Variants in MGAM observed in about 807,000 individuals in gnomAD.
The protein encoded by MGAM is alpha-1,4-glucosidase.
Under a neutral mutation model 358.8 loss-of-function variants are expected in MGAM, and 253 were observed. The ratio of observed to expected loss-of-function variants is 0.71; its 90% CI spans 0.64 to 0.78. The LOEUF (loss-of-function observed/expected upper bound fraction) is 0.78, where lower values mean the gene tolerates loss of function less well. Ranked by LOEUF, MGAM falls within the 30% of genes least tolerant of loss-of-function variation. MGAM has a pLI of 0.00. For synonymous variants in MGAM, 1,105 were observed against 1,227.1 expected (o/e 0.90, Z 2.08); for missense variants, 3,080 against 3,432.6 (o/e 0.90, Z 2.57).
chr7:142,039,544 G>A (rs185913747), intron 19 of MGAM, among the ~76,000 whole-genome samples: 1,533 of 152,106 alleles, frequency 0.01, 14 homozygotes, highest in South Asian at 0.027. Flanking sequence ...CCAACACTGG[G>A]GATTACATTT....
In MGAM at chr7:142,041,877, T is replaced by TA. The variant is rs569156957; in HGVS notation, c.2498+1032dup. On this transcript the variant is annotated intron_variant, in intron 21 of 70. Transcript: ENST00000475668. ...CTGGTCATTTTATATATATATTATA[T>TA]ATATACGTATAATATATAATATATA... 2.2e-3 allele frequency among the ~76,000 whole-genome samples: 195 copies of TA among 89,408 alleles called. 7 individuals are homozygous for TA. Among genetic ancestry groups the TA allele is most frequent in the Admixed American group, 0.021 (106 of 4,972 alleles). The allele number at this position is 89,408 out of a possible 152,430, so 58.7% of individuals were successfully genotyped here.
chr7:142,016,688 G>A (rs1806002008), intron 3 of MGAM, among the ~76,000 whole-genome samples: 1 of 152,128 alleles, frequency 6.6e-6, no homozygotes, highest in Non-Finnish European at 1.5e-5. Context: ...TGCCTCCTGG[G>A]TTCAAGTGAG....
chr7:142,073,759 C>T (rs1449590422), intron 44 of MGAM, among the ~76,000 whole-genome samples: 1 of 145,864 alleles, frequency 6.9e-6, no homozygotes. Flanking sequence ...CCAGTTATTG[C>T]CTAAGATTTC....
At position 142,094,730 on chromosome 7, in the gene MGAM, A is replaced by G. The variant is rs2129061136; in HGVS notation, c.7342-17A>G. On this transcript the variant is annotated splice_polypyrimidine_tract_variant and intron_variant, in intron 62 of 70. Coordinates refer to ENST00000475668, the MANE Select transcript of MGAM (RefSeq NM_001365693.1). ...CAGAAATCATCAGCAGGCTCCTTTT[A>G]TTTCCTCTTGTTTCAGACGGGAGCA... 1 of 1,613,292 alleles carries G rather than the reference A, an allele frequency of 6.2e-7. No individual in the cohort carries two copies. Among genetic ancestry groups the G allele is most frequent in the East Asian group, 2.2e-5 (1 of 44,846 alleles).
At chr7:142,006,212 T>C (rs1337497971) in intron 2 of MGAM, among the ~76,000 whole-genome samples, 2 of 152,022 alleles carry the variant, frequency 1.3e-5, no homozygotes, top group Non-Finnish European at 2.9e-5. Context: ...ATGAATGCCC[T>C]TTATAGATTT....
intron 70 of MGAM, 58 bp downstream of exon 70, chr7:142,103,497 G>A (rs1816607793): frequency 5.0e-6 from 7 of 1,406,808 alleles, no homozygotes; most frequent in Non-Finnish European, 5.6e-6. Flanking sequence ...GCCTAGTGCA[G>A]TGCCTGACTG....
At chr7:141,996,930 G>C (rs1441234865) in intron 1 of MGAM, among the ~76,000 whole-genome samples, 1 of 152,070 alleles carries the variant, frequency 6.6e-6, no homozygotes, top group Non-Finnish European at 1.5e-5. Flanking sequence ...CTCGTGGGAA[G>C]AGGAGAAGGT....
chr7:142,055,139 C>T (rs1382597196), intron 27 of MGAM, among the ~76,000 whole-genome samples: 1 of 152,268 alleles, frequency 6.6e-6, no homozygotes, highest in Admixed American at 6.5e-5. Context: ...TTATGGGGTG[C>T]CTTCTCTAGA....
At chr7:142,103,914 T>G (rs910719263) in intron 70 of MGAM, among the ~76,000 whole-genome samples, 2 of 151,976 alleles carry the variant, frequency 1.3e-5, no homozygotes, top group Admixed American at 1.3e-4. Flanking sequence ...TGGAGTGCAG[T>G]GGCATGTGAT....
intron 68 of MGAM, 114 bp downstream of exon 68, chr7:142,101,004 A>G (rs1816393209): frequency 1.1e-6 from 1 of 926,182 alleles, no homozygotes; most frequent in African/African-American, 1.7e-5. Flanking sequence ...TTTAAAATAT[A>G]ATCATTTGTT....
At position 142,052,441 on chromosome 7, in the gene MGAM, T is replaced by C; in HGVS notation, c.2953T>C (p.Trp985Arg). The C allele has an allele frequency of 2.5e-6, 4 of 1,613,346 alleles. No homozygotes were observed. Among genetic ancestry groups the C allele is most frequent in the Non-Finnish European group, 3.4e-6 (4 of 1,179,708 alleles). ...AENCTARGCI[W>R]EASNSSGVPF... The stretch of plus-strand genomic sequence containing the variant: ...AAACTGCACTGCCCGTGGCTGTATC[T>C]GGGAGGTAACCATGCTGATGGGGTT... The change falls in exon 25 of 71, where the codon TGG (tryptophan) becomes CGG (arginine). Residue 985 changes from tryptophan (W) to arginine (R), a missense_variant. Physicochemically the swap from Trp to Arg is moderately radical, Grantham distance 101. Around this residue, in one of 5 missense-constraint regions of MGAM, gnomAD observed 1,816 missense variants for 1,840.5 expected, o/e 0.99. Coordinates refer to ENST00000475668, the MANE Select transcript of MGAM (RefSeq NM_001365693.1).
intron 21 of MGAM, among the ~76,000 whole-genome samples, chr7:142,047,140 G>C (rs1233986243): frequency 3.3e-5 from 5 of 152,084 alleles, no homozygotes; most frequent in African/African-American, 1.2e-4. Context: ...GTGATAGAAT[G>C]AGGAGAGACT....
At chr7:142,066,432 A>G in intron 40 of MGAM, 141 bp from the exon 41 acceptor site, 1 of 1,028,362 alleles carries the variant, frequency 9.7e-7, no homozygotes, top group South Asian at 1.6e-5. Flanking sequence ...CGGTCTATTA[A>G]GAATATTCTC....
At chr7:142,040,486 C>A in intron 20 of MGAM, 1 of 591,502 alleles carries the variant, frequency 1.7e-6, no homozygotes. Flanking sequence ...TTAAAACTAT[C>A]AGTTTATATA....
rs1809054272 is a variant in MGAM, at chr7:142,042,580, ATT to A, written c.2498+1735_2498+1736del. Among the ~76,000 whole-genome samples, 2 of 51,258 alleles carry A rather than the reference ATT, an allele frequency of 3.9e-5. 1 individual carries two copies. Among genetic ancestry groups the A allele is most frequent in the Non-Finnish European group, 6.7e-5 (2 of 30,026 alleles). The allele number at this position is 51,258 out of a possible 152,430, so 33.6% of individuals were successfully genotyped here. ...ATATTATATATAATATATAATATATATTATATATACATATTATATATAATATA... is the reference window on the plus strand; with the variant it reads ...ATATTATATATAATATATAATATATAATATATACATATTATATATAATATA... On this transcript the variant is annotated intron_variant, in intron 21 of 70. Transcript: ENST00000475668.
intron 21 of MGAM, among the ~76,000 whole-genome samples, chr7:142,041,916 C>CATATAATATATAATAT (rs1808666076): frequency 4.6e-5 from 1 of 21,554 alleles, no homozygotes; most frequent in Non-Finnish European, 9.0e-5. Context: ...TATATATATA[C>CATATAATATATAATAT]GTATAATATA....
intron 68 of MGAM, among the ~76,000 whole-genome samples, chr7:142,101,298 A>G (rs529013729): frequency 1.3e-5 from 2 of 152,152 alleles, no homozygotes; most frequent in Admixed American, 1.3e-4. Context: ...GTTTATAGGA[A>G]TTGGTAAACT....
In MGAM at chr7:142,087,223, A is replaced by G. The variant is rs1250032820; in HGVS notation, c.6810+506A>G. Among the ~76,000 whole-genome samples, 17 of 144,352 alleles carry G rather than the reference A, an allele frequency of 1.2e-4. 1 individual carries two copies. The highest frequency in any genetic ancestry group is 4.2e-4 in the African/African-American group (17 of 40,822). The allele number at this position is 144,352 out of a possible 152,430, so 94.7% of individuals were successfully genotyped here. ...ACTTATAATTCCTCCTCTGAGCCCAATCCTTCCTTGGGTTTCTCAACTTTG... is the reference window on the plus strand; with the variant it reads ...ACTTATAATTCCTCCTCTGAGCCCAGTCCTTCCTTGGGTTTCTCAACTTTG... On this transcript the variant is annotated intron_variant, in intron 57 of 70. Coordinates refer to ENST00000475668, the MANE Select transcript of MGAM (RefSeq NM_001365693.1).
At chr7:142,056,231 T>C in intron 29 of MGAM, 135 bp downstream of exon 29, 1 of 785,496 alleles carries the variant, frequency 1.3e-6, no homozygotes, top group South Asian at 1.8e-5. Flanking sequence ...TTTTTCTTTG[T>C]GTTTAGCCTT....
Sources: gnomAD v4.1 joint callset for allele counts (sites outside exome capture counted in the v4.1 genomes callset) on GRCh38, gnomAD v4.1.1 for gene constraint, gnomAD v4.1.1 regional missense constraint, MANE v1.5 for transcripts, NCBI Gene and HGNC (gene_info 2026-07-23, HGNC 2026-07-21) for gene names.